Variants in SMG1 observed in about 807,000 individuals in gnomAD.
The protein encoded by SMG1 is serine/threonine-protein kinase SMG1.
Under a neutral mutation model 419.9 loss-of-function variants are expected in SMG1, and 22 were observed. The observed-to-expected ratio is 0.05, with a 90% CI of 0.04 to 0.07. The LOEUF (loss-of-function observed/expected upper bound fraction) is 0.07, where lower values mean the gene tolerates loss of function less well. Among genes scored for constraint, SMG1 ranks in the 10% least tolerant of loss-of-function variants. The pLI is 1.00. For missense variants in SMG1, 3,185 were observed against 4,342.0 expected, an observed-to-expected ratio of 0.73 and a Z score of 7.49; for synonymous variants, 1,538 against 1,553.5, an observed-to-expected ratio of 0.99 and a Z score of 0.23.
chr16:18,900,662 C>T (rs904932531), intron 1 of SMG1, among the ~76,000 whole-genome samples: 1 of 152,144 alleles, frequency 6.6e-6, no homozygotes, highest in East Asian at 1.9e-4. Flanking sequence ...AGGGATTTTG[C>T]TCTCATGGTG....
intron 50 of SMG1, 131 bp from the exon 51 acceptor site, chr16:18,833,297 CTTTT>C (rs1361748952): frequency 1.7e-6 from 1 of 586,350 alleles, no homozygotes; most frequent in African/African-American, 1.9e-5. Flanking sequence ...GTAAGTACAT[CTTTT>C]GTTTACTTTT....
At chr16:18,846,372 C>T (rs1027774345) in intron 38 of SMG1, among the ~76,000 whole-genome samples, 2 of 152,104 alleles carry the variant, frequency 1.3e-5, no homozygotes, top group Non-Finnish European at 2.9e-5. Flanking sequence ...TTAAATTGAG[C>T]TACATCAAAA....
chr16:18,924,084 C>CTG (rs2038298770), intron 1 of SMG1, among the ~76,000 whole-genome samples: 1 of 152,146 alleles, frequency 6.6e-6, no homozygotes, highest in Non-Finnish European at 1.5e-5. Flanking sequence ...TATCGTCTAC[C>CTG]AAGGCGTTAC....
chr16:18,871,459 A>G lies in SMG1; in HGVS notation c.2207T>C (p.Leu736Ser). ...DTRKLLMTWA[L>S]EAAVLMKKSE... ...CTTCTTCATTAAAACAGCTGCTTCC[A>G]AAGCCCAAGTCATTAACAGTTTCCT... Residue 736 changes from leucine to serine, a missense_variant, in exon 16 of 63, where the codon TTG (leucine) becomes TCG (serine). Physicochemically the swap from Leu to Ser is moderately radical, Grantham distance 145. Around this residue, in one of 27 missense-constraint regions of SMG1, gnomAD observed 297 missense variants for 491.0 expected, o/e 0.60. Transcript: ENST00000446231. 1 of 1,598,034 alleles carries G rather than the reference A, an allele frequency of 6.3e-7. No homozygotes were observed. Among genetic ancestry groups the G allele is most frequent in the African/African-American group, 1.3e-5 (1 of 74,206 alleles).
intron 51 of SMG1, among the ~76,000 whole-genome samples, chr16:18,832,181 TC>T (rs1214859956): frequency 2.0e-5 from 3 of 152,122 alleles, no homozygotes; most frequent in African/African-American, 7.2e-5. Context: ...TTCTACTCTC[TC>T]AATTATACTT....
intron 1 of SMG1, among the ~76,000 whole-genome samples, chr16:18,905,547 G>C (rs188907320): frequency 1.3e-5 from 2 of 151,412 alleles, no homozygotes; most frequent in African/African-American, 4.8e-5. Flanking sequence ...GAGTTTTTTA[G>C]TTAACTTTAA....
intron 55 of SMG1, 79 bp downstream of exon 55, chr16:18,827,952 A>G (rs909143853): frequency 3.5e-5 from 52 of 1,468,730 alleles, no homozygotes; most frequent in Non-Finnish European, 4.6e-5. Context: ...GACACACTGA[A>G]CAACAGAGCA....
chr16:18,898,157 T>C (rs938614724), intron 1 of SMG1, among the ~76,000 whole-genome samples: 4 of 152,182 alleles, frequency 2.6e-5, no homozygotes, highest in Non-Finnish European at 5.9e-5. Context: ...GCTCAATCAG[T>C]TGGACACCTT....
At chr16:18,860,027 G>C (rs2035130779) in intron 26 of SMG1, among the ~76,000 whole-genome samples, 1 of 152,142 alleles carries the variant, frequency 6.6e-6, no homozygotes, top group Non-Finnish European at 1.5e-5. Context: ...GACCAGCCTG[G>C]CCAAGATGGT....
chr16:18,827,924 G>A, intron 55 of SMG1, 107 bp downstream of exon 55: 1 of 1,140,974 alleles, frequency 8.8e-7, no homozygotes, highest in African/African-American at 1.6e-5. Flanking sequence ...TGGCTTACAA[G>A]CCAAGGACAC....
intron 1 of SMG1, among the ~76,000 whole-genome samples, chr16:18,923,912 A>AT (rs2038291786): frequency 6.6e-6 from 1 of 152,116 alleles, no homozygotes. Flanking sequence ...CACCCCAGGT[A>AT]TTTTTATTGA....
At chr16:18,840,012 T>C (rs1280448444) in intron 41 of SMG1, 66 bp from the exon 42 acceptor site, 33 of 1,298,290 alleles carry the variant, frequency 2.5e-5, no homozygotes, top group Non-Finnish European at 1.1e-5. Context: ...AGAGTGCCTT[T>C]TGTATGTAAA....
At chr16:18,844,974 GAATT>G (rs1202116031) in intron 39 of SMG1, among the ~76,000 whole-genome samples, 4 of 152,186 alleles carry the variant, frequency 2.6e-5, no homozygotes, top group Non-Finnish European at 5.9e-5. Context: ...AGCATATGTG[GAATT>G]GATTCCAGAA....
intron 33 of SMG1, among the ~76,000 whole-genome samples, chr16:18,851,788 C>T (rs2034617359): frequency 6.6e-6 from 1 of 152,176 alleles, no homozygotes; most frequent in African/African-American, 2.4e-5. Flanking sequence ...AGCGATCCAC[C>T]CACCTCAGCC....
chr16:18,855,962 C>A (rs1167927268), intron 29 of SMG1, among the ~76,000 whole-genome samples: 1 of 152,152 alleles, frequency 6.6e-6, no homozygotes. Flanking sequence ...CAATCTCATC[C>A]AGCGCTCCAC....
At chr16:18,924,500 A>G (rs557762008) in intron 1 of SMG1, among the ~76,000 whole-genome samples, 30 of 152,320 alleles carry the variant, frequency 2.0e-4, no homozygotes, top group African/African-American at 6.5e-4. Context: ...TTTACCACCT[A>G]ATTTGTTAGA....
chr16:18,854,801 T>G lies in SMG1; in HGVS notation c.4338A>C (p.Ala1446=). The G allele has an allele frequency of 6.2e-7, 1 of 1,614,066 alleles. No individual in the cohort carries two copies. Among genetic ancestry groups the G allele is most frequent in the Non-Finnish European group, 8.5e-7 (1 of 1,179,892 alleles). ...GNVSLATRLL[A]QCSEVQLGKT... ...TTCCCAGCTGAACTTCACTGCACTG[T>G]GCCAGCAGTCTTGTTGCAAGGGACA... The change falls in exon 30 of 63, where the codon GCA becomes GCC. Residue 1446 remains alanine (A), a synonymous_variant. Coordinates refer to ENST00000446231, the MANE Select transcript of SMG1 (RefSeq NM_015092.5).
In SMG1 at chr16:18,806,394, T is replaced by C. The variant is rs1217025121; in HGVS notation, c.*3175A>G. On this transcript the variant is annotated 3_prime_UTR_variant, in exon 63 of 63. Transcript: ENST00000446231. ...AATTTAGGGAAGCAGATCAAGAGCC[T>C]GATTATCAGTTCTCACATGGAAATC... 1 of 152,632 alleles carries C rather than the reference T, an allele frequency of 6.6e-6. No individual in the cohort carries two copies. Among genetic ancestry groups the C allele is most frequent in the Non-Finnish European group, 1.5e-5 (1 of 68,040 alleles). 9.5% of individuals were successfully genotyped at this position (152,632 alleles called of 1,614,324 possible).
intron 15 of SMG1, 138 bp from the exon 16 acceptor site, chr16:18,871,620 G>A (rs1424737887): frequency 1.1e-5 from 5 of 459,918 alleles, no homozygotes; most frequent in Non-Finnish European, 2.0e-5. Flanking sequence ...ATAAAAAAAT[G>A]AAACTATAGA....
Sources: allele counts gnomAD v4.1 joint callset (sites outside exome capture counted in the v4.1 genomes callset), GRCh38; gene constraint gnomAD v4.1.1; regional missense constraint gnomAD v4.1.1; transcripts MANE v1.5; gene names NCBI Gene and HGNC (gene_info 2026-07-23, HGNC 2026-07-21).